Variants in KHDRBS2 observed in about 807,000 individuals in gnomAD.
The protein encoded by KHDRBS2 is KH RNA binding domain containing, signal transduction associated 2.
In KHDRBS2, 26 loss-of-function variants were observed where a neutral mutation model predicts 44.3. The ratio of observed to expected loss-of-function variants is 0.59; its 90% CI spans 0.43 to 0.81. The LOEUF (loss-of-function observed/expected upper bound fraction) is 0.81. Among genes scored for constraint, KHDRBS2 ranks in the 40% least tolerant of loss-of-function variants. The pLI is 0.00. For synonymous variants in KHDRBS2, 194 were observed against 151.1 expected, an observed-to-expected ratio of 1.28 and a Z score of -2.08; for missense variants, 476 against 433.1, an observed-to-expected ratio of 1.10 and a Z score of -0.88.
chr6:61,894,636 T>A lies in KHDRBS2; in HGVS notation c.809A>T (p.Tyr270Phe). 6.2e-7 allele frequency: 1 copy of A among 1,609,606 alleles called. No individual in the cohort carries two copies. The highest frequency in any genetic ancestry group is 8.5e-7 in the Non-Finnish European group (1 of 1,178,404). Reference sequence around the variant, plus strand: ...AACTTATTTCTTAAGAGTACTTACATATTCTTCATAAGCTTCATGGGCTGG... The same window carrying A: ...AACTTATTTCTTAAGAGTACTTACAAATTCTTCATAAGCTTCATGGGCTGG... ...PPPAHEAYEE[Y>F]GYDDGYGGEY... The change falls in exon 6 of 9, where the codon TAT becomes TTT. Residue 270 changes from tyrosine (Y) to phenylalanine (F), a missense_variant and splice_region_variant. Transcript: ENST00000281156.
chr6:62,200,788 A>G (rs1399696061), intron 1 of KHDRBS2, among the ~76,000 whole-genome samples: 4 of 152,218 alleles, frequency 2.6e-5, no homozygotes, highest in Admixed American at 2.6e-4. Flanking sequence ...ATGCACATGT[A>G]TGTTTATTGT....
chr6:61,802,788 C>T (rs568238955), intron 6 of KHDRBS2, among the ~76,000 whole-genome samples: 1 of 152,216 alleles, frequency 6.6e-6, no homozygotes, highest in East Asian at 1.9e-4. Context: ...GCTTTGTTTT[C>T]ATCTACTTGT....
the KHDRBS2 span, among the ~76,000 whole-genome samples, chr6:61,619,880 A>G: frequency 1.3e-5 from 2 of 152,192 alleles, no homozygotes; most frequent in African/African-American, 2.4e-5. Context: ...TTCTATAAAC[A>G]TATATATGCA....
chr6:62,216,070 G>T (rs1829931009), intron 1 of KHDRBS2, among the ~76,000 whole-genome samples: 1 of 151,494 alleles, frequency 6.6e-6, no homozygotes, highest in Admixed American at 6.6e-5. Flanking sequence ...ATGCATGTTG[G>T]ATTGATCTTA....
chr6:61,972,655 A>C (rs1771672896), intron 4 of KHDRBS2, among the ~76,000 whole-genome samples: 1 of 152,092 alleles, frequency 6.6e-6, no homozygotes, highest in Non-Finnish European at 1.5e-5. Flanking sequence ...TCTGCATTGA[A>C]CTTTGTTTTT....
chr6:61,978,087 C>T lies in KHDRBS2; in HGVS notation c.462G>A (p.Glu154=), dbSNP rs1562569592. The T allele has an allele frequency of 6.3e-7, 1 of 1,590,324 alleles. No homozygotes were observed. Among genetic ancestry groups the T allele is most frequent in the Non-Finnish European group, 8.5e-7 (1 of 1,172,664 alleles). ...AYSRMSHALE[E]IKKFLVPDYN... ...TTACAGGAACCAGGAATTTTTTAAT[C>T]TCTTCCAATGCATGACTCATACGTG... Residue 154 remains glutamate, a synonymous_variant, in exon 4 of 9, where the codon GAG becomes GAA. Coordinates refer to ENST00000281156, the MANE Select transcript of KHDRBS2 (RefSeq NM_152688.4).
rs910843676 is a variant in KHDRBS2 at position 62,190,687 on chromosome 6, C to G, written c.92-13375G>C. On this transcript the variant is annotated intron_variant, in intron 1 of 8. Coordinates refer to ENST00000281156, the MANE Select transcript of KHDRBS2 (RefSeq NM_152688.4). ...TTTTTAATACAAATAAAACTCAGCGCATCTCAAACTGTACTTTAAAACCTA... is the reference window on the plus strand; with the variant it reads ...TTTTTAATACAAATAAAACTCAGCGGATCTCAAACTGTACTTTAAAACCTA... Among the ~76,000 whole-genome samples, 3 of 152,030 alleles carry G rather than the reference C, an allele frequency of 2.0e-5. No homozygotes were observed. The East Asian group carries it at 5.8e-4, about 29-fold the overall frequency.
intron 6 of KHDRBS2, among the ~76,000 whole-genome samples, chr6:61,741,613 C>A (rs1398683227): frequency 2.6e-5 from 4 of 151,862 alleles, no homozygotes; most frequent in South Asian, 2.1e-4. Context: ...TTTTTCTTTA[C>A]CTATTTAAAA....
the KHDRBS2 span, among the ~76,000 whole-genome samples, chr6:61,638,206 C>G: frequency 6.6e-6 from 1 of 152,030 alleles, no homozygotes; most frequent in Non-Finnish European, 1.5e-5. Flanking sequence ...CAAGTCAATC[C>G]TGAGCCAAAA....
At chr6:61,954,348 C>A (rs1283612096) in intron 4 of KHDRBS2, among the ~76,000 whole-genome samples, 1 of 110,226 alleles carries the variant, frequency 9.1e-6, no homozygotes, top group Non-Finnish European at 1.8e-5. Context: ...GATAGATATA[C>A]ATATGTATGC....
intron 4 of KHDRBS2, among the ~76,000 whole-genome samples, chr6:61,946,434 C>A (rs1259801122): frequency 6.6e-6 from 1 of 152,122 alleles, no homozygotes; most frequent in Non-Finnish European, 1.5e-5. Context: ...CAGGAGAGTG[C>A]TCTTTTACAA....
At chr6:61,957,526 C>T (rs1052395656) in intron 4 of KHDRBS2, among the ~76,000 whole-genome samples, 10 of 152,196 alleles carry the variant, frequency 6.6e-5, no homozygotes, top group South Asian at 6.2e-4. Context: ...CTGTCTTTTA[C>T]GGTCATAGCT....
At chr6:61,943,136 A>G (rs936136451) in intron 4 of KHDRBS2, among the ~76,000 whole-genome samples, 1 of 151,904 alleles carries the variant, frequency 6.6e-6, no homozygotes, top group Non-Finnish European at 1.5e-5. Flanking sequence ...AGAAAGAAAG[A>G]AATAAAACCT....
chr6:62,057,488 A>G (rs546971958), intron 2 of KHDRBS2, among the ~76,000 whole-genome samples: 3 of 152,118 alleles, frequency 2.0e-5, no homozygotes, highest in East Asian at 3.9e-4. Flanking sequence ...CTTACTTTCA[A>G]CCTATACTCA....
At chr6:62,017,817 T>C (rs1158557481) in intron 3 of KHDRBS2, among the ~76,000 whole-genome samples, 1 of 152,090 alleles carries the variant, frequency 6.6e-6, no homozygotes, top group Non-Finnish European at 1.5e-5. Context: ...AGCACACACA[T>C]CCCAAGTGTA....
chr6:61,650,298 T>C, the KHDRBS2 span, among the ~76,000 whole-genome samples: 1 of 152,136 alleles, frequency 6.6e-6, no homozygotes, highest in African/African-American at 2.4e-5. Flanking sequence ...ATGATTTCAG[T>C]TTGTAACTTA....
chr6:61,616,568 TTTAA>T, the KHDRBS2 span, among the ~76,000 whole-genome samples: 2 of 143,790 alleles, frequency 1.4e-5, no homozygotes, highest in Non-Finnish European at 3.1e-5. Flanking sequence ...GATCAAGTGA[TTTAA>T]TTAATTTGAT....
chr6:61,895,903 G>A (rs1429904049), intron 5 of KHDRBS2, among the ~76,000 whole-genome samples: 1 of 152,130 alleles, frequency 6.6e-6, no homozygotes, highest in Non-Finnish European at 1.5e-5. Flanking sequence ...ATAAAAGTGA[G>A]CATTTATAAG....
chr6:62,152,579 C>T (rs1815451092), intron 2 of KHDRBS2, among the ~76,000 whole-genome samples: 1 of 152,224 alleles, frequency 6.6e-6, no homozygotes, highest in African/African-American at 2.4e-5. Flanking sequence ...CACTACTCAT[C>T]TAATCTATCA....
Sources: allele counts gnomAD v4.1 joint callset (sites outside exome capture counted in the v4.1 genomes callset), GRCh38; gene constraint gnomAD v4.1.1; transcripts MANE v1.5; gene names NCBI Gene and HGNC (gene_info 2026-07-23, HGNC 2026-07-21).